The following TAF2 variants were observed in gnomAD, a reference collection of about 807,000 sequenced individuals.
The protein encoded by TAF2 is transcription initiation factor TFIID subunit 2.
In TAF2, 61 loss-of-function variants were observed where a neutral mutation model predicts 138.5. The observed-to-expected ratio is 0.44, with a 90% CI of 0.36 to 0.54. TAF2 has a LOEUF of 0.54. Among genes scored for constraint, TAF2 ranks in the 20% least tolerant of loss-of-function variants. The pLI is 0.00. For synonymous variants in TAF2, 475 were observed against 469.9 expected (o/e 1.01, Z -0.14); for missense variants, 1,090 against 1,427.9 (o/e 0.76, Z 3.81).
At chr8:119,818,049 T>G (rs1415288124) in intron 3 of TAF2, among the ~76,000 whole-genome samples, 1 of 152,274 alleles carries the variant, frequency 6.6e-6, no homozygotes, top group Non-Finnish European at 1.5e-5. Flanking sequence ...CCCATTTGTG[T>G]ATCTCCTCTC....
intron 5 of TAF2, among the ~76,000 whole-genome samples, chr8:119,802,574 A>G (rs1284397279): frequency 6.6e-6 from 1 of 152,192 alleles, no homozygotes; most frequent in Non-Finnish European, 1.5e-5. Context: ...TTGAAGCACA[A>G]AAGTGTGTAA....
At chr8:119,787,456 A>C (rs976855855) in intron 14 of TAF2, among the ~76,000 whole-genome samples, 4 of 152,230 alleles carry the variant, frequency 2.6e-5, no homozygotes, top group Admixed American at 6.5e-5. Flanking sequence ...TCTCAAAAGA[A>C]GACATTTATG....
At chr8:119,810,625 T>A (rs764582924) in intron 3 of TAF2, among the ~76,000 whole-genome samples, 7 of 152,356 alleles carry the variant, frequency 4.6e-5, no homozygotes, top group Admixed American at 2.0e-4. Flanking sequence ...AAAGTGCCAG[T>A]TGCTCCAAAT....
chr8:119,755,999 C>T lies in TAF2; in HGVS notation c.2878+7G>A. 3 of 1,587,784 alleles carry T rather than the reference C, an allele frequency of 1.9e-6. No individual in the cohort carries two copies. Among genetic ancestry groups the T allele is most frequent in the African/African-American group, 1.3e-5 (1 of 74,464 alleles). ...AATAAAAACAATTTAAATCCCTGCT[C>T]TCTCACCAGAATTCATAAGTTTCCA... On this transcript the variant is annotated splice_region_variant and intron_variant, in intron 22 of 25. Transcript: ENST00000378164.
chr8:119,743,369 TA>T (rs573626984), intron 24 of TAF2, among the ~76,000 whole-genome samples: 174 of 138,744 alleles, frequency 1.3e-3, no homozygotes, highest in Middle Eastern at 3.5e-3. Flanking sequence ...AGAATGAAAT[TA>T]AAAAAAAAAA....
intron 3 of TAF2, among the ~76,000 whole-genome samples, chr8:119,808,392 T>G (rs1824810980): frequency 6.6e-6 from 1 of 152,222 alleles, no homozygotes. Flanking sequence ...CTAGTTTCAT[T>G]GCTATTTCTA....
chr8:119,756,325 A>G (rs990806337), intron 21 of TAF2, among the ~76,000 whole-genome samples: 1 of 152,088 alleles, frequency 6.6e-6, no homozygotes, highest in East Asian at 1.9e-4. Context: ...TTTCACTAAA[A>G]CACTCTGGGG....
chr8:119,746,344 G>A lies in TAF2; in HGVS notation c.3108+361C>T, dbSNP rs530760076. Among the ~76,000 whole-genome samples the A allele has an allele frequency of 2.3e-5, 3 of 129,460 alleles. No homozygotes were observed. In the South Asian group the frequency reaches 7.5e-4, roughly 32 times the overall value. 84.9% of individuals were successfully genotyped at this position (129,460 alleles called of 152,430 possible). A position where few individuals can be genotyped will look rare whatever the true frequency, so the allele number is the denominator to read the frequency against. On this transcript the variant is annotated intron_variant, in intron 23 of 25. Coordinates refer to ENST00000378164, the MANE Select transcript of TAF2 (RefSeq NM_003184.4). Reference sequence around the variant, plus strand: ...GCTGAGAGTGAGTCATTGCACTCCAGCCTGGGGAACAAGAGTGGAACTCTG... The same window carrying A: ...GCTGAGAGTGAGTCATTGCACTCCAACCTGGGGAACAAGAGTGGAACTCTG...
At chr8:119,784,767 G>T (rs577428033) in intron 15 of TAF2, among the ~76,000 whole-genome samples, 91 of 152,206 alleles carry the variant, frequency 6.0e-4, no homozygotes, top group African/African-American at 2.2e-3. Flanking sequence ...CAAGACCTTT[G>T]TTCTAAGGAC....
Position 119,824,171 on chromosome 8 carries a change from C to G in TAF2, c.139-4665G>C, listed in dbSNP as rs187247890. On this transcript the variant is annotated intron_variant, in intron 2 of 25. Coordinates refer to ENST00000378164, the MANE Select transcript of TAF2 (RefSeq NM_003184.4). ...CCGGGCCGGGCATGGCGGCTCACAC[C>G]TGTAATCCCAGCACATTGGGAGGCT... Among the ~76,000 whole-genome samples the G allele has an allele frequency of 3.8e-3, 572 of 152,240 alleles. 6 individuals are homozygous for G. The highest frequency in any genetic ancestry group is 0.013 in the African/African-American group (552 of 41,548).
In TAF2 at chr8:119,832,809, C is replaced by A. The variant is rs548376901; in HGVS notation, c.-245G>T. ...TGCTCCTCTCCGCAAGGGCTCGAAG[C>A]TACCATCCGCCGACATCTTGTCTGT... On this transcript the variant is annotated 5_prime_UTR_variant, in exon 1 of 26. Transcript: ENST00000378164. 244 of 463,564 alleles carry A rather than the reference C, an allele frequency of 5.3e-4. 1 individual carries two copies. Among genetic ancestry groups the A allele is most frequent in the Middle Eastern group, 2.9e-3 (5 of 1,746 alleles). The allele number at this position is 463,564 out of a possible 1,614,324, so 28.7% of individuals were successfully genotyped here.
chr8:119,732,206 C>G lies in TAF2; in HGVS notation c.3338-20G>C, dbSNP rs1348042469. ...CTTTACCTTCAAGATTAAAAATACC[C>G]AAATGAATTCCTGCTGATGATACGG... On this transcript the variant is annotated intron_variant, in intron 25 of 25. Transcript: ENST00000378164. 1 of 1,608,090 alleles carries G rather than the reference C, an allele frequency of 6.2e-7. No homozygotes were observed. The highest frequency in any genetic ancestry group is 1.3e-5 in the African/African-American group (1 of 74,874).
At chr8:119,825,913 C>T (rs566024311) in intron 2 of TAF2, among the ~76,000 whole-genome samples, 2 of 150,794 alleles carry the variant, frequency 1.3e-5, no homozygotes, top group South Asian at 2.1e-4. Flanking sequence ...AGGATGGTCT[C>T]GATCTCCTGA....
intron 15 of TAF2, among the ~76,000 whole-genome samples, 162 bp downstream of exon 15, chr8:119,785,039 T>C (rs1346173987): frequency 6.6e-6 from 1 of 152,248 alleles, no homozygotes; most frequent in Non-Finnish European, 1.5e-5. Flanking sequence ...TGATTAGTTA[T>C]GATTTTACAT....
intron 14 of TAF2, among the ~76,000 whole-genome samples, chr8:119,788,004 T>C (rs1335154776): frequency 6.6e-6 from 1 of 151,994 alleles, no homozygotes; most frequent in East Asian, 1.9e-4. Flanking sequence ...AACCAAACAC[T>C]GCATGTTCTC....
intron 18 of TAF2, among the ~76,000 whole-genome samples, chr8:119,770,504 T>G (rs980762451): frequency 3.3e-5 from 5 of 152,052 alleles, no homozygotes; most frequent in African/African-American, 4.8e-5. Flanking sequence ...CCAAGCTTCA[T>G]AAATGAAGGA....
At chr8:119,814,728 CCAAAAATA>C (rs1290062376) in intron 3 of TAF2, among the ~76,000 whole-genome samples, 1 of 90,768 alleles carries the variant, frequency 1.1e-5, no homozygotes, top group Non-Finnish European at 2.1e-5. Flanking sequence ...CCTGTCTCTA[CCAAAAATA>C]CAAAAAAAAA....
Position 119,806,149 on chromosome 8 carries a change from G to A in TAF2, c.418+134C>T, listed in dbSNP as rs562692526. 3.6e-4 allele frequency: 281 copies of A among 782,876 alleles called. No individual in the cohort carries two copies. The highest frequency in any genetic ancestry group is 3.5e-4 in the Non-Finnish European group (157 of 453,158). 48.5% of individuals were successfully genotyped at this position (782,876 alleles called of 1,614,324 possible). A position where few individuals can be genotyped will look rare whatever the true frequency, so the allele number is the denominator to read the frequency against. ...ACTCCTGATCTTAGGTGATCCACCCGCCTCAGCCTCCCAAAGTGCTGGGAT... is the reference window on the plus strand; with the variant it reads ...ACTCCTGATCTTAGGTGATCCACCCACCTCAGCCTCCCAAAGTGCTGGGAT... On this transcript the variant is annotated intron_variant, in intron 4 of 25. Coordinates refer to ENST00000378164, the MANE Select transcript of TAF2 (RefSeq NM_003184.4).
chr8:119,762,394 A>G (rs760309576), intron 19 of TAF2, 21 bp downstream of exon 19: 21 of 1,608,436 alleles, frequency 1.3e-5, no homozygotes, highest in Non-Finnish European at 1.8e-5. Context: ...TATAACTTTA[A>G]AGTAAGGAAT....
Sources: gnomAD v4.1 joint callset for allele counts (sites outside exome capture counted in the v4.1 genomes callset) on GRCh38, gnomAD v4.1.1 for gene constraint, MANE v1.5 for transcripts, NCBI Gene and HGNC (gene_info 2026-07-23, HGNC 2026-07-21) for gene names.